Variants in ENTREP2 observed in about 807,000 individuals in gnomAD.
ENTREP2 encodes endosomal transmembrane epsin interactor 2, also known as protein ENTREP2.
At chr15:29,183,184 C>T in the ENTREP2 span, among the ~76,000 whole-genome samples, 2 of 152,120 alleles carry the variant, frequency 1.3e-5, no homozygotes, top group African/African-American at 4.8e-5. Flanking sequence ...AGTCACTGAT[C>T]GTGAGAAGAC....
chr15:29,348,423 G>A, the ENTREP2 span, among the ~76,000 whole-genome samples: 1 of 152,192 alleles, frequency 6.6e-6, no homozygotes, highest in Admixed American at 6.5e-5. Flanking sequence ...AGCTACGTGA[G>A]GAACAATGTT....
chr15:29,136,234 G>T, the ENTREP2 span: 1 of 962,612 alleles, frequency 1.0e-6, no homozygotes, highest in Non-Finnish European at 1.4e-6. Flanking sequence ...CCTCGGCACA[G>T]GGCGCTCATG....
the ENTREP2 span, among the ~76,000 whole-genome samples, chr15:29,668,932 G>A: frequency 2.6e-5 from 4 of 152,324 alleles, no homozygotes; most frequent in East Asian, 1.9e-4. Context: ...ACCGCAGACC[G>A]TGGTGTGTTC....
the ENTREP2 span, among the ~76,000 whole-genome samples, chr15:29,219,700 T>C: frequency 5.4e-5 from 7 of 130,806 alleles, no homozygotes; most frequent in African/African-American, 2.0e-4. Flanking sequence ...AGGAATGAAT[T>C]AATGGCATTT....
At chr15:29,193,197 C>T in the ENTREP2 span, among the ~76,000 whole-genome samples, 2 of 152,052 alleles carry the variant, frequency 1.3e-5, no homozygotes, top group South Asian at 2.1e-4. Flanking sequence ...GAAGGATACT[C>T]GAGAACTGGC....
the ENTREP2 span, among the ~76,000 whole-genome samples, chr15:29,258,212 CAAAAAAAAAA>C: frequency 8.5e-6 from 1 of 118,340 alleles, no homozygotes; most frequent in Non-Finnish European, 1.7e-5. Flanking sequence ...GGCTCAGTCT[CAAAAAAAAAA>C]AAAAAAAAAA....
the ENTREP2 span, among the ~76,000 whole-genome samples, chr15:29,154,548 TA>T: frequency 4.6e-5 from 7 of 152,308 alleles, no homozygotes; most frequent in African/African-American, 1.7e-4. Context: ...CTCAAAAAGC[TA>T]TCAGAAAACA....
chr15:29,639,603 A>G, the ENTREP2 span, among the ~76,000 whole-genome samples: 2 of 152,098 alleles, frequency 1.3e-5, no homozygotes, highest in Non-Finnish European at 1.5e-5. Context: ...AAGATCTCAA[A>G]TCAACAACTT....
the ENTREP2 span, among the ~76,000 whole-genome samples, chr15:29,528,709 T>C: frequency 6.6e-6 from 1 of 152,202 alleles, no homozygotes; most frequent in African/African-American, 2.4e-5. Context: ...AGCTCCACCA[T>C]GAAATCTATA....
At chr15:29,577,849 C>A in the ENTREP2 span, among the ~76,000 whole-genome samples, 1 of 152,136 alleles carries the variant, frequency 6.6e-6, no homozygotes, top group African/African-American at 2.4e-5. Flanking sequence ...AAATATTGTT[C>A]AGATCCACCT....
the ENTREP2 span, among the ~76,000 whole-genome samples, chr15:29,138,218 C>G: frequency 6.6e-6 from 1 of 152,038 alleles, no homozygotes; most frequent in East Asian, 1.9e-4. Context: ...ACTGGCCAAC[C>G]TTGAACACCG....
At chr15:29,142,718 A>C in the ENTREP2 span, among the ~76,000 whole-genome samples, 12 of 152,346 alleles carry the variant, frequency 7.9e-5, no homozygotes, top group African/African-American at 2.6e-4. Flanking sequence ...CCTAAATGAC[A>C]ATAATGAAAG....
the ENTREP2 span, among the ~76,000 whole-genome samples, chr15:29,453,028 C>A: frequency 6.5e-4 from 99 of 152,284 alleles, no homozygotes; most frequent in Admixed American, 1.2e-3. Context: ...AAAGGAAATG[C>A]CTCCCTGCTT....
chr15:29,381,693 T>C, the ENTREP2 span: 3 of 1,183,666 alleles, frequency 2.5e-6, no homozygotes, highest in East Asian at 2.6e-5. Context: ...TGGAATTCTC[T>C]TCGCCACTGC....
At chr15:29,194,123 T>G in the ENTREP2 span, among the ~76,000 whole-genome samples, 1 of 152,162 alleles carries the variant, frequency 6.6e-6, no homozygotes, top group Non-Finnish European at 1.5e-5. Flanking sequence ...ATTCTAAAAT[T>G]TATATGGAAT....
the ENTREP2 span, among the ~76,000 whole-genome samples, chr15:29,446,270 G>A: frequency 6.6e-6 from 1 of 152,180 alleles, no homozygotes; most frequent in Non-Finnish European, 1.5e-5. Context: ...ACCCCACACG[G>A]ACTAAGACAC....
At chr15:29,173,055 G>A in the ENTREP2 span, among the ~76,000 whole-genome samples, 2 of 152,186 alleles carry the variant, frequency 1.3e-5, no homozygotes, top group Non-Finnish European at 2.9e-5. Context: ...TTTCTCTGCA[G>A]ACCAGCCCCC....
chr15:29,450,802 C>G, the ENTREP2 span, among the ~76,000 whole-genome samples: 3 of 152,130 alleles, frequency 2.0e-5, no homozygotes, highest in Non-Finnish European at 2.9e-5. Context: ...GAATGATGTT[C>G]CTGCAAAGGA....
chr15:29,314,914 T>C, the ENTREP2 span, among the ~76,000 whole-genome samples: 1 of 152,092 alleles, frequency 6.6e-6, no homozygotes, highest in African/African-American at 2.4e-5. Context: ...TAGCCAGGTG[T>C]GGTGGTGCAC....
Sources: allele counts gnomAD v4.1 joint callset (sites outside exome capture counted in the v4.1 genomes callset), GRCh38; gene constraint gnomAD v4.1.1; transcripts MANE v1.5; gene names NCBI Gene and HGNC (gene_info 2026-07-23, HGNC 2026-07-21).